Variants in ZFHX3 observed in about 807,000 individuals in gnomAD.
ZFHX3 encodes zinc finger homeobox protein 3.
ZFHX3 carries 42 observed loss-of-function variants against 279.1 expected under a neutral mutation model. That is an observed-to-expected ratio of 0.15 (90% CI 0.12 to 0.19). The LOEUF is 0.19. ZFHX3 is among the 10% of genes least tolerant of loss of function. ZFHX3 has a pLI of 1.00. For missense variants in ZFHX3, 4,981 were observed against 4,754.0 expected (o/e 1.05, Z -1.40); for synonymous variants, 2,293 against 1,957.8 (o/e 1.17, Z -4.52).
intron 5 of ZFHX3, among the ~76,000 whole-genome samples, chr16:73,177,047 A>G (rs1967681643): frequency 6.6e-6 from 1 of 152,146 alleles, no homozygotes; most frequent in Non-Finnish European, 1.5e-5. Context: ...TATCCCTCAG[A>G]CCAAAATACT....
chr16:73,151,019 A>T (rs549106949), intron 5 of ZFHX3, among the ~76,000 whole-genome samples: 4 of 152,350 alleles, frequency 2.6e-5, no homozygotes, highest in African/African-American at 7.2e-5. Flanking sequence ...AAAAAGGAAT[A>T]AATGAATGCT....
At chr16:72,900,151 A>AC (rs2038998071) in intron 3 of ZFHX3, among the ~76,000 whole-genome samples, 1 of 151,876 alleles carries the variant, frequency 6.6e-6, no homozygotes, top group South Asian at 2.1e-4. Flanking sequence ...AAAAAAAAAA[A>AC]AAAACAAGAA....
chr16:73,406,060 C>T (rs2017353852), intron 3 of ZFHX3, among the ~76,000 whole-genome samples: 1 of 152,242 alleles, frequency 6.6e-6, no homozygotes, highest in Non-Finnish European at 1.5e-5. Context: ...ATTCTATCGT[C>T]TCTAGGAGGA....
At chr16:73,304,357 C>T (rs2143142107) in intron 4 of ZFHX3, among the ~76,000 whole-genome samples, 1 of 152,272 alleles carries the variant, frequency 6.6e-6, no homozygotes, top group East Asian at 1.9e-4. Flanking sequence ...GCTGGCGGGG[C>T]TTTGCCATGC....
At chr16:73,751,329 A>C (rs328336) in intron 1 of ZFHX3, among the ~76,000 whole-genome samples, 10,868 of 152,274 alleles carry the variant, frequency 0.071, 493 homozygotes, top group African/African-American at 0.12. Flanking sequence ...ATATAGTCAT[A>C]AACTAAATTA....
At position 73,421,425 on chromosome 16, in the gene ZFHX3, G is replaced by C. The variant is rs2017716858; in HGVS notation, c.-1291+34578C>G. 3 of 152,178 alleles carry C rather than the reference G, an allele frequency of 2.0e-5. No homozygotes were observed. The South Asian group carries it at 6.2e-4, about 32-fold the overall frequency. 9.4% of individuals were successfully genotyped at this position (152,178 alleles called of 1,614,324 possible). On this transcript the variant is annotated intron_variant, in intron 3 of 17. Coordinates refer to the ZFHX3 transcript ENST00000641206. ...AGGTGTGATTTGTGAAATGTTTTGT[G>C]ATGCTAACAAGACGTGAACTGAGCA...
rs2035204098 is a variant in ZFHX3, at chr16:72,783,314, C to CA, written c.*3849dup. On this transcript the variant is annotated 3_prime_UTR_variant, in exon 10 of 10. Coordinates refer to ENST00000268489, the MANE Select transcript of ZFHX3 (RefSeq NM_006885.4). ...CTCCCCCCTGAAGAAAGTAAACAAA[C>CA]AAAAAACTAGTCAAAGCTTTGTTTC... 6.6e-6 allele frequency: 1 copy of CA among 151,952 alleles called. No homozygotes were observed. Among genetic ancestry groups the CA allele is most frequent in the Non-Finnish European group, 1.5e-5 (1 of 67,970 alleles). 9.4% of individuals were successfully genotyped at this position (151,952 alleles called of 1,614,324 possible).
chr16:73,450,860 T>C (rs1192088821), intron 3 of ZFHX3, among the ~76,000 whole-genome samples: 1 of 152,250 alleles, frequency 6.6e-6, no homozygotes, highest in Admixed American at 6.5e-5. Flanking sequence ...TTTCTGCATT[T>C]TCTTATTAAT....
chr16:73,760,178 C>A (rs1182955997), intron 1 of ZFHX3, among the ~76,000 whole-genome samples: 1 of 152,032 alleles, frequency 6.6e-6, no homozygotes, highest in Non-Finnish European at 1.5e-5. Context: ...AAATAAACTA[C>A]AAATTCTAGA....
At chr16:73,877,884 C>T (rs895702189) in intron 1 of ZFHX3, among the ~76,000 whole-genome samples, 3 of 151,956 alleles carry the variant, frequency 2.0e-5, no homozygotes, top group Non-Finnish European at 4.4e-5. Flanking sequence ...CTTCAAAGTT[C>T]AACTCCCCCC....
At chr16:73,367,235 C>T (rs2143329773) in intron 3 of ZFHX3, among the ~76,000 whole-genome samples, 1 of 152,238 alleles carries the variant, frequency 6.6e-6, no homozygotes, top group Admixed American at 6.5e-5. Context: ...AGCTCCATGG[C>T]TTTGGAACCA....
intron 4 of ZFHX3, among the ~76,000 whole-genome samples, chr16:73,287,687 T>A (rs2014659379): frequency 7.2e-6 from 1 of 138,758 alleles, no homozygotes; most frequent in African/African-American, 2.7e-5. Context: ...TGTGTGCGTG[T>A]GTGGCTGTGT....
At chr16:73,890,006 A>G (rs1455335669) in intron 1 of ZFHX3, among the ~76,000 whole-genome samples, 1 of 152,118 alleles carries the variant, frequency 6.6e-6, no homozygotes, top group African/African-American at 2.4e-5. Context: ...GTGCTCATTT[A>G]TATCATCAGG....
chr16:73,603,279 C>T (rs1032005972), intron 2 of ZFHX3, among the ~76,000 whole-genome samples: 15 of 138,660 alleles, frequency 1.1e-4, no homozygotes, highest in African/African-American at 3.0e-4. Flanking sequence ...AGCGAGACTC[C>T]ATCTCAAAAA....
chr16:72,869,963 G>GC (rs2038114005), intron 4 of ZFHX3, among the ~76,000 whole-genome samples: 1 of 152,054 alleles, frequency 6.6e-6, no homozygotes, highest in South Asian at 2.1e-4. Flanking sequence ...TTCTTTTTTG[G>GC]CATTTCTACC....
chr16:72,994,131 C>A (rs1963193451), intron 1 of ZFHX3, among the ~76,000 whole-genome samples: 1 of 152,230 alleles, frequency 6.6e-6, no homozygotes, highest in Non-Finnish European at 1.5e-5. Flanking sequence ...CTTTGTGCCA[C>A]ACTGTGGTTT....
rs537043110 is a variant in ZFHX3 at position 73,562,552 on chromosome 16, C to G, written c.-1546-106294G>C. On this transcript the variant is annotated intron_variant, in intron 2 of 17. Transcript: ENST00000641206. ...CGGAGCTTGCAGTGACCCGAGATGGCGCCACTGAACTCCAGCCTGGGCGAC... is the reference window on the plus strand; with the variant it reads ...CGGAGCTTGCAGTGACCCGAGATGGGGCCACTGAACTCCAGCCTGGGCGAC... Among the ~76,000 whole-genome samples, 30 of 146,634 alleles carry G rather than the reference C, an allele frequency of 2.0e-4. No individual in the cohort carries two copies. In the South Asian group the frequency reaches 5.2e-3, roughly 26 times the overall value.
At chr16:72,924,569 G>C (rs982364799) in intron 3 of ZFHX3, among the ~76,000 whole-genome samples, 1 of 152,184 alleles carries the variant, frequency 6.6e-6, no homozygotes, top group South Asian at 2.1e-4. Context: ...ATATTCTCAG[G>C]CCGAATGAGG....
intron 5 of ZFHX3, among the ~76,000 whole-genome samples, chr16:73,188,760 A>G (rs1168619826): frequency 1.3e-5 from 2 of 152,192 alleles, no homozygotes. Context: ...TTAGATTCCC[A>G]GGGGTAGGAT....
Sources: gnomAD v4.1 joint callset for allele counts (sites outside exome capture counted in the v4.1 genomes callset) on GRCh38, gnomAD v4.1.1 for gene constraint, MANE v1.5 for transcripts, NCBI Gene and HGNC (gene_info 2026-07-23, HGNC 2026-07-21) for gene names.